Variants in CAPN9 observed in about 807,000 individuals in gnomAD.
The protein encoded by CAPN9 is calpain-9.
CAPN9 carries 81 observed loss-of-function variants against 92.8 expected under a neutral mutation model. That is an observed-to-expected ratio of 0.87 (90% CI 0.73 to 1.05). The LOEUF (loss-of-function observed/expected upper bound fraction) is 1.05, where lower values mean the gene tolerates loss of function less well. Among genes scored for constraint, CAPN9 ranks in the 50% least tolerant of loss-of-function variants. The pLI is 0.00. For synonymous variants in CAPN9, 304 were observed against 328.0 expected, an observed-to-expected ratio of 0.93 and a Z score of 0.79; for missense variants, 848 against 866.2, an observed-to-expected ratio of 0.98 and a Z score of 0.26.
intron 8 of CAPN9, among the ~76,000 whole-genome samples, chr1:230,774,890 C>A (rs1219539731): frequency 6.6e-6 from 1 of 151,824 alleles, no homozygotes; most frequent in African/African-American, 2.4e-5. Context: ...TACAGGCATG[C>A]GCCACCACGC....
rs1341464553 is a variant in CAPN9 at position 230,747,495 on chromosome 1, C to G, written c.-2C>G. 6.2e-7 allele frequency: 1 copy of G among 1,613,558 alleles called. No individual in the cohort carries two copies. The highest frequency in any genetic ancestry group is 8.5e-7 in the Non-Finnish European group (1 of 1,179,754). Reference sequence around the variant, plus strand: ...CCCAAGCCAGCCTTCCAGGGAGCAGCCATGCCTTACCTCTACCGGGCCCCA... The same window carrying G: ...CCCAAGCCAGCCTTCCAGGGAGCAGGCATGCCTTACCTCTACCGGGCCCCA... On this transcript the variant is annotated 5_prime_UTR_variant, in exon 1 of 20. Transcript: ENST00000271971.
intron 1 of CAPN9, among the ~76,000 whole-genome samples, chr1:230,748,775 T>C (rs1253476222): frequency 6.6e-6 from 1 of 152,168 alleles, no homozygotes; most frequent in Non-Finnish European, 1.5e-5. Context: ...AACTACCTCC[T>C]CACTATCTCC....
intron 17 of CAPN9, among the ~76,000 whole-genome samples, chr1:230,794,453 C>G (rs1668205679): frequency 6.6e-6 from 1 of 152,132 alleles, no homozygotes; most frequent in Admixed American, 6.5e-5. Flanking sequence ...TGCACTCCAG[C>G]CTGGGCAACA....
intron 7 of CAPN9, among the ~76,000 whole-genome samples, chr1:230,772,746 T>C (rs1236302942): frequency 1.0e-2 from 16 of 1,602 alleles, no homozygotes; most frequent in Non-Finnish European, 0.014. Context: ...CCCCATCTCT[T>C]TTTTTTTTTT....
chr1:230,787,480 T>A (rs746252176), intron 12 of CAPN9, 42 bp from the exon 13 acceptor site: 1 of 1,558,096 alleles, frequency 6.4e-7, no homozygotes, highest in Non-Finnish European at 8.8e-7. Context: ...ATGTTTCTTT[T>A]TTGTGGATCA....
chr1:230,766,732 A>G (rs1666007425), intron 4 of CAPN9, among the ~76,000 whole-genome samples: 1 of 152,212 alleles, frequency 6.6e-6, no homozygotes, highest in Admixed American at 6.5e-5. Context: ...GCAATTTACA[A>G]AAGAAAGACA....
chr1:230,779,180 T>G lies in CAPN9; in HGVS notation c.1114+47T>G, dbSNP rs374397007. On this transcript the variant is annotated intron_variant, in intron 9 of 19. Transcript: ENST00000271971. The stretch of plus-strand genomic sequence containing the variant: ...CTCTCTGCCACTCCCAAGTGTCCCT[T>G]CCAACTCAGGACACCAAAGGATAAG... 4.0e-5 allele frequency: 63 copies of G among 1,584,790 alleles called. No individual in the cohort carries two copies. The African/African-American group carries it at 7.1e-4, about 18-fold the overall frequency.
intron 1 of CAPN9, 32 bp downstream of exon 1, chr1:230,747,741 A>G: frequency 6.2e-7 from 1 of 1,601,460 alleles, no homozygotes; most frequent in South Asian, 1.1e-5. Context: ...AGGAGCATAG[A>G]TGAGGCCGAG....
At chr1:230,751,611 GAAAGAAAGAAAGAAAGA>G (rs1664809043) in intron 1 of CAPN9, among the ~76,000 whole-genome samples, 1 of 21,922 alleles carries the variant, frequency 4.6e-5, no homozygotes, top group Non-Finnish European at 8.7e-5. Flanking sequence ...GAAAGAAAGA[GAAAGAAAGAAAGAAAGA>G]AAGAAAGAAA....
At chr1:230,767,340 G>A (rs1000237412) in intron 4 of CAPN9, among the ~76,000 whole-genome samples, 4 of 152,146 alleles carry the variant, frequency 2.6e-5, no homozygotes, top group African/African-American at 9.7e-5. Flanking sequence ...TGCCTCCCTT[G>A]CAGGAAGGTC....
intron 5 of CAPN9, 48 bp from the exon 6 acceptor site, chr1:230,769,132 A>T: frequency 6.9e-7 from 1 of 1,457,368 alleles, no homozygotes; most frequent in South Asian, 1.2e-5. Flanking sequence ...CCAGCAGGGG[A>T]GGCTTGACTT....
In CAPN9 at chr1:230,795,157, C is replaced by T. The variant is rs1167507335; in HGVS notation, c.1871-6C>T. On this transcript the variant is annotated splice_polypyrimidine_tract_variant and splice_region_variant and intron_variant, in intron 17 of 19. Transcript: ENST00000271971. ...GAGTCCTGGGTCTCCTCCTTTGTCC[C>T]CACAGGCTTTCAGCTGAGCAGCCAC... 6.3e-7 allele frequency: 1 copy of T among 1,594,708 alleles called. No individual in the cohort carries two copies. The highest frequency in any genetic ancestry group is 1.7e-5 in the Admixed American group (1 of 59,970).
intron 11 of CAPN9, among the ~76,000 whole-genome samples, chr1:230,781,167 C>T (rs1181345009): frequency 6.6e-6 from 1 of 152,206 alleles, no homozygotes; most frequent in Admixed American, 6.5e-5. Flanking sequence ...CCACGCCAGG[C>T]TGCAGGACAC....
At chr1:230,755,621 G>A (rs1456153360) in intron 2 of CAPN9, among the ~76,000 whole-genome samples, 1 of 152,196 alleles carries the variant, frequency 6.6e-6, no homozygotes, top group Admixed American at 6.5e-5. Context: ...TGTGATGTGG[G>A]GCTCACAGCC....
intron 13 of CAPN9, among the ~76,000 whole-genome samples, chr1:230,789,718 A>G (rs6661547): frequency 0.16 from 23,939 of 152,116 alleles, 2,100 homozygotes; most frequent in South Asian, 0.28. Context: ...GGACTATTTT[A>G]AAGCTCTGCA....
chr1:230,791,717 T>C, intron 14 of CAPN9, 147 bp from the exon 15 acceptor site: 1 of 570,554 alleles, frequency 1.8e-6, no homozygotes, highest in Non-Finnish European at 3.2e-6. Flanking sequence ...TCATGTTAAC[T>C]TCTACTCCTA....
chr1:230,778,897 G>A (rs1338040510), intron 8 of CAPN9, 76 bp from the exon 9 acceptor site: 3 of 1,279,990 alleles, frequency 2.3e-6, no homozygotes, highest in Non-Finnish European at 3.3e-6. Flanking sequence ...ATAAGTGAAT[G>A]ATTTAATGAA....
chr1:230,765,212 G>GACACACACACACACACACACAC (rs56286310), intron 4 of CAPN9, among the ~76,000 whole-genome samples: 2 of 132,038 alleles, frequency 1.5e-5, no homozygotes, highest in Non-Finnish European at 3.2e-5. Context: ...ACACATGCAA[G>GACACACACACACACACACACAC]ACACACACAC....
intron 17 of CAPN9, among the ~76,000 whole-genome samples, chr1:230,794,944 C>T (rs574859939): frequency 5.8e-4 from 89 of 152,322 alleles, no homozygotes; most frequent in African/African-American, 2.0e-3. Context: ...TGAGAGTCCC[C>T]CGCACACTCG....
Sources: gnomAD v4.1 joint callset for allele counts (sites outside exome capture counted in the v4.1 genomes callset) on GRCh38, gnomAD v4.1.1 for gene constraint, MANE v1.5 for transcripts, NCBI Gene and HGNC (gene_info 2026-07-23, HGNC 2026-07-21) for gene names.